Variants in ITPR2 observed in about 807,000 individuals in gnomAD.
The protein encoded by ITPR2 is inositol 1,4,5-trisphosphate-gated calcium channel ITPR2.
Under a neutral mutation model 317.1 loss-of-function variants are expected in ITPR2, and 207 were observed. That is an observed-to-expected ratio of 0.65 (90% CI 0.58 to 0.73). ITPR2 has a LOEUF of 0.73. Among genes scored for constraint, ITPR2 ranks in the 30% least tolerant of loss-of-function variants. ITPR2 has a pLI of 0.00. For synonymous variants in ITPR2, 1,156 were observed against 1,149.1 expected (o/e 1.01, Z -0.12); for missense variants, 2,613 against 3,284.0 (o/e 0.80, Z 4.99).
chr12:26,815,480 T>A (rs563263408), intron 1 of ITPR2, among the ~76,000 whole-genome samples: 1 of 152,188 alleles, frequency 6.6e-6, no homozygotes, highest in South Asian at 2.1e-4. Flanking sequence ...TATGTTCTAA[T>A]CGGGATGAAA....
chr12:26,830,174 G>A (rs1415275611), intron 1 of ITPR2, among the ~76,000 whole-genome samples: 1 of 152,220 alleles, frequency 6.6e-6, no homozygotes, highest in Non-Finnish European at 1.5e-5. Context: ...AAAGTGCTGG[G>A]ATTACAGGCA....
intron 34 of ITPR2, 62 bp downstream of exon 34, chr12:26,578,651 T>A (rs1171115544): frequency 6.7e-7 from 1 of 1,494,398 alleles, no homozygotes; most frequent in African/African-American, 1.4e-5. Flanking sequence ...TGTTGCCCAT[T>A]AGCCAAAAAC....
chr12:26,406,736 C>G (rs997113019), intron 52 of ITPR2: 2 of 152,164 alleles, frequency 1.3e-5, no homozygotes, highest in African/African-American at 4.8e-5. Context: ...GTGACACATG[C>G]TGCACAACAA....
intron 37 of ITPR2, among the ~76,000 whole-genome samples, chr12:26,521,212 C>T (rs1030145457): frequency 3.9e-5 from 6 of 152,064 alleles, no homozygotes; most frequent in Non-Finnish European, 8.8e-5. Context: ...ATATTTAGTT[C>T]ATTTGCAAAG....
intron 32 of ITPR2, among the ~76,000 whole-genome samples, chr12:26,591,430 A>G (rs954679252): frequency 1.3e-5 from 2 of 152,240 alleles, no homozygotes; most frequent in Non-Finnish European, 2.9e-5. Context: ...AAAGACAGGC[A>G]ATAACAAATG....
Position 26,722,428 on chromosome 12 carries a change from G to A in ITPR2, c.494C>T (p.Pro165Leu), listed in dbSNP as rs1284086754. Residue 165 changes from proline (P) to leucine (L), a missense_variant, in exon 5 of 57, where the codon CCG becomes CTG. Pro to Leu is a moderately conservative substitution (Grantham distance 98). Transcript: ENST00000381340. Reference sequence around the variant, plus strand: ...ACCCTCGCTTCTCAGTTTCCAGAACGGATGAATATAAAACCAAGACCCTTC... The same window carrying A: ...ACCCTCGCTTCTCAGTTTCCAGAACAGATGAATATAAAACCAAGACCCTTC... ...GNEGSWFYIH[P>L]FWKLRSEGDN... 1.2e-6 allele frequency: 2 copies of A among 1,611,598 alleles called. No homozygotes were observed. The highest frequency in any genetic ancestry group is 1.3e-5 in the African/African-American group (1 of 74,768).
At chr12:26,731,936 A>G (rs1949034823) in intron 2 of ITPR2, among the ~76,000 whole-genome samples, 2 of 152,222 alleles carry the variant, frequency 1.3e-5, no homozygotes, top group South Asian at 2.1e-4. Flanking sequence ...ATCCTGAAAT[A>G]CAGTGTTTGT....
At chr12:26,596,858 G>T (rs767000829) in intron 31 of ITPR2, 25 bp downstream of exon 31, 1 of 1,510,386 alleles carries the variant, frequency 6.6e-7, no homozygotes, top group African/African-American at 1.4e-5. Flanking sequence ...TTCTATTAGA[G>T]CTGCTAAGCT....
intron 23 of ITPR2, among the ~76,000 whole-genome samples, chr12:26,626,218 G>T (rs550724264): frequency 2.0e-5 from 3 of 152,210 alleles, no homozygotes; most frequent in South Asian, 4.1e-4. Flanking sequence ...GCCCCCTTCG[G>T]CCTCCCAAAG....
chr12:26,682,613 G>A lies in ITPR2; in HGVS notation c.1209C>T (p.Ile403=). Residue 403 remains isoleucine (I), a synonymous_variant, in exon 12 of 57, where the codon ATC becomes ATT. Transcript: ENST00000381340. ...GCCTCTCTTCATCTGTGTCTATGGGGATACTAGTACTGGTTACCCATGTGT... is the reference window on the plus strand; with the variant it reads ...GCCTCTCTTCATCTGTGTCTATGGGAATACTAGTACTGGTTACCCATGTGT... ...CTNTWVTSTS[I]PIDTDEERPV... The A allele has an allele frequency of 6.2e-7, 1 of 1,612,836 alleles. No individual in the cohort carries two copies. Among genetic ancestry groups the A allele is most frequent in the Non-Finnish European group, 8.5e-7 (1 of 1,179,108 alleles).
chr12:26,373,819 G>A (rs1013892138), intron 55 of ITPR2: 3 of 152,178 alleles, frequency 2.0e-5, no homozygotes, highest in Admixed American at 6.5e-5. Flanking sequence ...CTGATTACAT[G>A]TGTGAAAAAT....
chr12:26,553,877 T>C (rs548319299), intron 36 of ITPR2, among the ~76,000 whole-genome samples: 1 of 152,156 alleles, frequency 6.6e-6, no homozygotes, highest in Admixed American at 6.5e-5. Context: ...CTTCACAGAG[T>C]TGGGGAAGTG....
intron 2 of ITPR2, among the ~76,000 whole-genome samples, chr12:26,778,830 C>T (rs1205274276): frequency 6.6e-6 from 1 of 152,152 alleles, no homozygotes; most frequent in African/African-American, 2.4e-5. Context: ...CCTTCTACCT[C>T]AGTAAAATTT....
chr12:26,738,820 G>A (rs1949177042), intron 2 of ITPR2, among the ~76,000 whole-genome samples: 1 of 151,752 alleles, frequency 6.6e-6, no homozygotes, highest in Non-Finnish European at 1.5e-5. Flanking sequence ...AATGTATCAT[G>A]TCCTTTGGAT....
chr12:26,507,847 T>C (rs1381807108), intron 37 of ITPR2, among the ~76,000 whole-genome samples: 2 of 95,212 alleles, frequency 2.1e-5, no homozygotes, highest in Non-Finnish European at 5.4e-5. Context: ...ATCTCTCTAC[T>C]CTTCTCTCTC....
chr12:26,525,580 T>C (rs1236101434), intron 37 of ITPR2, among the ~76,000 whole-genome samples: 4 of 152,240 alleles, frequency 2.6e-5, no homozygotes, highest in Admixed American at 2.6e-4. Context: ...CCTCTCTATA[T>C]GTTTGTTTTT....
chr12:26,381,861 T>C (rs1591977987), intron 55 of ITPR2, among the ~76,000 whole-genome samples: 1 of 152,216 alleles, frequency 6.6e-6, no homozygotes. Context: ...CCTGCTCTTA[T>C]ACAGACCTCT....
intron 36 of ITPR2, among the ~76,000 whole-genome samples, chr12:26,552,870 A>G (rs1944562583): frequency 6.6e-6 from 1 of 152,194 alleles, no homozygotes; most frequent in African/African-American, 2.4e-5. Context: ...TCTTCCTTAG[A>G]TAAACCATAT....
chr12:26,354,230 C>T (rs1040229917), intron 55 of ITPR2, among the ~76,000 whole-genome samples: 17 of 151,376 alleles, frequency 1.1e-4, no homozygotes, highest in Non-Finnish European at 5.9e-5. Flanking sequence ...GCCGAGATTG[C>T]GCCACTGCAC....
Sources: allele counts gnomAD v4.1 joint callset (sites outside exome capture counted in the v4.1 genomes callset), GRCh38; gene constraint gnomAD v4.1.1; transcripts MANE v1.5; gene names NCBI Gene and HGNC (gene_info 2026-07-23, HGNC 2026-07-21).